Variants in RGS9 observed in about 807,000 individuals in gnomAD.
RGS9 encodes the protein regulator of G-protein signalling 9.
A neutral mutation model predicts 102.0 loss-of-function variants in RGS9; 78 were observed. That is an observed-to-expected ratio of 0.76 (90% CI 0.64 to 0.92). RGS9 has a LOEUF of 0.92. Among genes scored for constraint, RGS9 ranks in the 40% least tolerant of loss-of-function variants. RGS9 has a pLI of 0.00. For synonymous variants in RGS9, 353 were observed against 318.6 expected, an observed-to-expected ratio of 1.11 and a Z score of -1.15; for missense variants, 833 against 866.1, an observed-to-expected ratio of 0.96 and a Z score of 0.48.
At chr17:65,224,946 C>T in intron 17 of RGS9, 56 bp from the exon 18 acceptor site, 2 of 1,608,476 alleles carry the variant, frequency 1.2e-6, no homozygotes, top group Non-Finnish European at 1.7e-6. Flanking sequence ...CCCAGGGGCC[C>T]TGCTGGCTGG....
chr17:65,162,927 G>A (rs948984317), intron 6 of RGS9, 86 bp from the exon 7 acceptor site: 8 of 747,706 alleles, frequency 1.1e-5, no homozygotes, highest in Admixed American at 1.0e-4. Context: ...CCAGGGGTGT[G>A]CCCTTGCTGA....
At chr17:65,214,544 A>G (rs1240239940) in intron 17 of RGS9, among the ~76,000 whole-genome samples, 1 of 152,228 alleles carries the variant, frequency 6.6e-6, no homozygotes, top group Non-Finnish European at 1.5e-5. Flanking sequence ...GGTATGTCTC[A>G]AAGGAGAGTA....
intron 1 of RGS9, among the ~76,000 whole-genome samples, chr17:65,145,564 TA>T (rs67640945): frequency 0.29 from 27,814 of 96,112 alleles, 2,764 homozygotes; most frequent in African/African-American, 0.4. Flanking sequence ...TTTTTTTTTT[TA>T]ATATATTTTT....
chr17:65,163,143 CTTCT>C, intron 7 of RGS9, 54 bp downstream of exon 7: 1 of 816,084 alleles, frequency 1.2e-6, no homozygotes, highest in Non-Finnish European at 1.9e-6. Context: ...CCCTCTCTTC[CTTCT>C]TTGTTTCTTT....
At chr17:65,189,262 C>T (rs112434890) in intron 9 of RGS9, 24 bp from the exon 10 acceptor site, 52 of 1,604,938 alleles carry the variant, frequency 3.2e-5, no homozygotes, top group African/African-American at 1.9e-4. Flanking sequence ...ATCTGCCTAA[C>T]GGTTTTGTTT....
intron 9 of RGS9, among the ~76,000 whole-genome samples, chr17:65,185,789 G>A (rs930454915): frequency 3.3e-5 from 5 of 152,270 alleles, no homozygotes; most frequent in South Asian, 4.1e-4. Context: ...GTAAACCCCC[G>A]AAGACTGAGA....
At chr17:65,181,188 G>A (rs1911871993) in intron 9 of RGS9, among the ~76,000 whole-genome samples, 2 of 152,178 alleles carry the variant, frequency 1.3e-5, no homozygotes, top group South Asian at 4.1e-4. Context: ...TGGGTCAATG[G>A]TAATTCTATT....
intron 9 of RGS9, among the ~76,000 whole-genome samples, chr17:65,186,602 G>A (rs1011616019): frequency 1.3e-5 from 2 of 152,298 alleles, no homozygotes; most frequent in East Asian, 1.9e-4. Flanking sequence ...CAGGCTAGGA[G>A]GAAAAAGTGA....
At chr17:65,193,374 C>T (rs974493465) in intron 11 of RGS9, among the ~76,000 whole-genome samples, 169 bp from the exon 12 acceptor site, 1 of 151,824 alleles carries the variant, frequency 6.6e-6, no homozygotes, top group African/African-American at 2.4e-5. Context: ...TGTCAAATAC[C>T]TGCCAATCCC....
At chr17:65,212,584 A>C (rs1331854849) in intron 17 of RGS9, among the ~76,000 whole-genome samples, 1 of 152,070 alleles carries the variant, frequency 6.6e-6, no homozygotes, top group East Asian at 1.9e-4. Flanking sequence ...GGTGAGGGGG[A>C]AACTGTGCAA....
chr17:65,190,164 G>C lies in RGS9; in HGVS notation c.685-11G>C, dbSNP rs1483057309. On this transcript the variant is annotated splice_polypyrimidine_tract_variant and intron_variant, in intron 10 of 18. Transcript: ENST00000262406. ...GGGTTGAATACCTTCTAACAACTGT[G>C]TCTCTTCCAGATCATGTATTACCAA... 1.2e-6 allele frequency: 2 copies of C among 1,610,044 alleles called. No individual in the cohort carries two copies. Among genetic ancestry groups the C allele is most frequent in the Non-Finnish European group, 1.7e-6 (2 of 1,176,400 alleles).
chr17:65,197,193 C>T lies in RGS9; in HGVS notation c.928C>T (p.Pro310Ser). 6.2e-7 allele frequency: 1 copy of T among 1,613,914 alleles called. No homozygotes were observed. The highest frequency in any genetic ancestry group is 8.5e-7 in the Non-Finnish European group (1 of 1,179,904). The stretch of plus-strand genomic sequence containing the variant: ...CAACTTCAGCGAATTGATCCGAGAC[C>T]CCAAAGGTCGACAGAGCTTCCAGTA... ...AFNFSELIRD[P>S]KGRQSFQYFL... The change falls in exon 13 of 19, where the codon CCC becomes TCC. Residue 310 changes from proline to serine, a missense_variant. Physicochemically the swap from Pro to Ser is moderately conservative, Grantham distance 74. Transcript: ENST00000262406.
At chr17:65,199,330 T>C (rs1328779941) in intron 13 of RGS9, among the ~76,000 whole-genome samples, 1 of 152,098 alleles carries the variant, frequency 6.6e-6, no homozygotes, top group African/African-American at 2.4e-5. Flanking sequence ...ACCCCAGCCC[T>C]AGGCAACCAC....
chr17:65,201,876 T>G (rs1912862814), intron 13 of RGS9, 117 bp from the exon 14 acceptor site: 3 of 731,160 alleles, frequency 4.1e-6, no homozygotes, highest in Non-Finnish European at 7.5e-6. Context: ...AGGAAAGGTG[T>G]TCACTGAGCT....
rs754300761 is a variant in RGS9, at chr17:65,153,532, C to T, written c.154+14C>T. 6.2e-7 allele frequency: 1 copy of T among 1,602,468 alleles called. No individual in the cohort carries two copies. The highest frequency in any genetic ancestry group is 8.6e-7 in the Non-Finnish European group (1 of 1,169,260). ...ATGCCATGACAGGTGATGTAGCTTG[C>T]ACTTTAGTCTTGGCCTGGAATAGAC... On this transcript the variant is annotated intron_variant, in intron 2 of 18. Coordinates refer to ENST00000262406, the MANE Select transcript of RGS9 (RefSeq NM_003835.4).
chr17:65,170,457 G>C (rs955010003), intron 8 of RGS9, among the ~76,000 whole-genome samples: 1 of 152,122 alleles, frequency 6.6e-6, no homozygotes. Flanking sequence ...CTGCTAATTT[G>C]CCCAAAGTTA....
At chr17:65,192,983 G>T (rs935114702) in intron 11 of RGS9, among the ~76,000 whole-genome samples, 2 of 151,976 alleles carry the variant, frequency 1.3e-5, no homozygotes, top group Non-Finnish European at 2.9e-5. Flanking sequence ...GATACAGAAA[G>T]GCCGGGCATG....
At chr17:65,168,080 G>T in intron 7 of RGS9, 120 bp from the exon 8 acceptor site, 1 of 688,136 alleles carries the variant, frequency 1.5e-6, no homozygotes, top group Non-Finnish European at 2.7e-6. Flanking sequence ...TTACTATTAC[G>T]GTATATGTGA....
chr17:65,197,375 C>T, intron 13 of RGS9, 134 bp downstream of exon 13: 1 of 696,152 alleles, frequency 1.4e-6, no homozygotes, highest in Non-Finnish European at 2.6e-6. Context: ...ACAGTTGCTT[C>T]CTTTCACAGC....
Sources: allele counts gnomAD v4.1 joint callset (sites outside exome capture counted in the v4.1 genomes callset), GRCh38; gene constraint gnomAD v4.1.1; transcripts MANE v1.5; gene names NCBI Gene and HGNC (gene_info 2026-07-23, HGNC 2026-07-21).